The following SH3BP4 variants were observed in gnomAD, a reference collection of about 807,000 sequenced individuals.
SH3BP4 encodes SH3 domain binding protein 4.
A neutral mutation model predicts 65.5 loss-of-function variants in SH3BP4; 33 were observed. The ratio of observed to expected loss-of-function variants is 0.50; its 90% CI spans 0.38 to 0.67. SH3BP4 has a LOEUF of 0.67. Among genes scored for constraint, SH3BP4 ranks in the 30% least tolerant of loss-of-function variants. The pLI, the probability that SH3BP4 is intolerant of heterozygous loss-of-function variation, is 0.00. For synonymous variants in SH3BP4, 552 were observed against 545.5 expected, an observed-to-expected ratio of 1.01 and a Z score of -0.17; for missense variants, 1,134 against 1,261.4, an observed-to-expected ratio of 0.90 and a Z score of 1.53.
chr2:235,030,265 A>G lies in SH3BP4; in HGVS notation c.-132-4606A>G, dbSNP rs7579843. On this transcript the variant is annotated intron_variant, in intron 2 of 5. Coordinates refer to ENST00000392011, the MANE Select transcript of SH3BP4 (RefSeq NM_014521.3). This position sits in a 1 kb window ranked among gnomAD's most constrained non-coding sequence, Gnocchi z 4.1. ...AGCAGCCACTGGCAGCGAAGGCCTGAGCAACTCTGGGCGTGGGAAGAAATA... is the reference window on the plus strand; with the variant it reads ...AGCAGCCACTGGCAGCGAAGGCCTGGGCAACTCTGGGCGTGGGAAGAAATA... Among the ~76,000 whole-genome samples the G allele has an allele frequency of 0.34, 52,206 of 151,992 alleles. 10,414 individuals are homozygous for G. Among genetic ancestry groups the G allele is most frequent in the African/African-American group, 0.55 (22,866 of 41,424 alleles).
chr2:234,985,260 A>C (rs887483233), intron 1 of SH3BP4, among the ~76,000 whole-genome samples: 2 of 152,196 alleles, frequency 1.3e-5, no homozygotes, highest in African/African-American at 4.8e-5. Context: ...AGTCATAAGA[A>C]AGGCACATAG....
In SH3BP4 at chr2:235,017,045, C is replaced by CTTT. The variant is rs995197698; in HGVS notation, c.-132-17804_-132-17802dup. Among the ~76,000 whole-genome samples, 66 of 88,414 alleles carry CTTT rather than the reference C, an allele frequency of 7.5e-4. 2 individuals carry two copies. Among genetic ancestry groups the CTTT allele is most frequent in the East Asian group, 1.8e-3 (5 of 2,838 alleles). 58.0% of individuals were successfully genotyped at this position (88,414 alleles called of 152,430 possible). ...CGGCAGCGAGTTTCTGTTTGCCTTT[C>CTTT]TTTTTTTTTTTTTTTTTTTTTTTTG... On this transcript the variant is annotated intron_variant, in intron 2 of 5. Coordinates refer to ENST00000392011, the MANE Select transcript of SH3BP4 (RefSeq NM_014521.3).
rs764174258 is a variant in SH3BP4, at chr2:235,041,834, C to T, written c.1065C>T (p.Ser355=). ...HVAPGETQQI[S]MKALLDPPLE... ...CCCCTGGGGAGACCCAGCAGATCTC[C>T]ATGAAAGCCCTGCTGGACCCCCCGC... is the stretch of plus-strand genomic sequence containing the variant. Residue 355 remains serine (S), a synonymous_variant, in exon 4 of 6, where the codon TCC becomes TCT. Coordinates refer to ENST00000392011, the MANE Select transcript of SH3BP4 (RefSeq NM_014521.3). This position sits in a 1 kb window ranked among gnomAD's most constrained non-coding sequence, Gnocchi z 6.0. The T allele has an allele frequency of 1.1e-5, 18 of 1,601,814 alleles. No individual in the cohort carries two copies. In the African/African-American group the frequency reaches 2.0e-4, roughly 18 times the overall value.
At chr2:235,031,037 C>G (rs116246145) in intron 2 of SH3BP4, among the ~76,000 whole-genome samples, 2 of 152,088 alleles carry the variant, frequency 1.3e-5, no homozygotes, top group African/African-American at 4.8e-5. Flanking sequence ...TGGGGATTTA[C>G]AGAGCATTGA....
chr2:235,032,856 A>G (rs191698247), intron 2 of SH3BP4, among the ~76,000 whole-genome samples: 3 of 152,136 alleles, frequency 2.0e-5, no homozygotes, highest in Non-Finnish European at 4.4e-5. Flanking sequence ...GTTCTCCCCA[A>G]GGCGTAGTTC....
intron 2 of SH3BP4, among the ~76,000 whole-genome samples, chr2:235,003,719 G>A (rs1694204739): frequency 6.6e-6 from 1 of 152,226 alleles, no homozygotes; most frequent in Non-Finnish European, 1.5e-5. Context: ...CCTATGCAGG[G>A]AGATGTGGCT....
intron 2 of SH3BP4, among the ~76,000 whole-genome samples, chr2:235,031,571 C>T (rs1574835185): frequency 6.6e-6 from 1 of 152,230 alleles, no homozygotes; most frequent in South Asian, 2.1e-4. Context: ...CACCGCGTTC[C>T]GCCAGCTTAC....
intron 4 of SH3BP4, among the ~76,000 whole-genome samples, chr2:235,049,981 T>C (rs182469474): frequency 4.8e-4 from 73 of 152,140 alleles, no homozygotes; most frequent in African/African-American, 1.8e-3. Flanking sequence ...CTCTGGCATT[T>C]CTCGGTGTGA....
At chr2:235,003,469 A>T (rs1281914746) in intron 2 of SH3BP4, among the ~76,000 whole-genome samples, 1 of 152,254 alleles carries the variant, frequency 6.6e-6, no homozygotes, top group African/African-American at 2.4e-5. Flanking sequence ...CATTCGAAGG[A>T]TAGAGTGTCT....
intron 4 of SH3BP4, among the ~76,000 whole-genome samples, chr2:235,043,971 C>A (rs1218647801): frequency 6.6e-6 from 1 of 152,224 alleles, no homozygotes; most frequent in Admixed American, 6.5e-5. Flanking sequence ...CCAGAATGGA[C>A]CAGATGCGGG....
chr2:234,980,180 A>G (rs941489153), intron 1 of SH3BP4, among the ~76,000 whole-genome samples: 9 of 152,160 alleles, frequency 5.9e-5, no homozygotes, highest in African/African-American at 1.9e-4. Context: ...CCTTATCTGC[A>G]GGGGATACAG....
intron 2 of SH3BP4, among the ~76,000 whole-genome samples, chr2:235,010,736 G>A (rs950653754): frequency 6.1e-5 from 9 of 148,120 alleles, no homozygotes; most frequent in Non-Finnish European, 1.0e-4. Flanking sequence ...ACCCTTCCCC[G>A]CTCTCCAAGG....
chr2:235,025,600 G>A (rs1056743357), intron 2 of SH3BP4, among the ~76,000 whole-genome samples: 1 of 152,322 alleles, frequency 6.6e-6, no homozygotes, highest in Non-Finnish European at 1.5e-5. Flanking sequence ...TGGGCACTGC[G>A]CTCAATGCTG....
intron 1 of SH3BP4, among the ~76,000 whole-genome samples, chr2:234,966,165 G>A (rs1404256151): frequency 6.6e-6 from 1 of 152,190 alleles, no homozygotes; most frequent in Non-Finnish European, 1.5e-5. Flanking sequence ...GATCACTTGA[G>A]GTCAAGAGTT....
rs1693952306 is a variant in SH3BP4 at position 234,997,224 on chromosome 2, T to G, written c.-133+1848T>G. Among the ~76,000 whole-genome samples the G allele has an allele frequency of 6.6e-6, 1 of 152,192 alleles. No individual in the cohort carries two copies. Among genetic ancestry groups the G allele is most frequent in the African/African-American group, 2.4e-5 (1 of 41,440 alleles). ...CCACACTTTAAGCTGATTTTCGTTT[T>G]GCCTTGTTTTCCCAGAGGCATACAT... On this transcript the variant is annotated intron_variant, in intron 2 of 5. Transcript: ENST00000392011. The surrounding 1 kb of genome is among the most constrained non-coding windows in gnomAD (Gnocchi z 4.2).
intron 1 of SH3BP4, among the ~76,000 whole-genome samples, chr2:234,988,169 C>T (rs1216375994): frequency 6.6e-6 from 1 of 152,146 alleles, no homozygotes; most frequent in African/African-American, 2.4e-5. Flanking sequence ...AAGCAATTCT[C>T]CTGCCTCAGC....
intron 2 of SH3BP4, among the ~76,000 whole-genome samples, chr2:235,028,834 A>G (rs771432034): frequency 1.3e-5 from 2 of 152,086 alleles, no homozygotes; most frequent in African/African-American, 2.4e-5. Context: ...AGAGCACTGC[A>G]TGTGCAAAGG....
In SH3BP4 at chr2:235,042,538, G is replaced by C; in HGVS notation, c.1769G>C (p.Arg590Pro). Residue 590 changes from arginine (R) to proline (P), a missense_variant, in exon 4 of 6, where the codon CGG becomes CCG. Physicochemically the swap from Arg to Pro is moderately radical, Grantham distance 103 (BLOSUM62 -2). Transcript: ENST00000392011. This position sits in a 1 kb window ranked among gnomAD's most constrained non-coding sequence, Gnocchi z 7.3. ...AACGAGCTCTCTGACTTCACGCTGC[G>C]GGTTCAGGTGAAGGACGACCAGGAG... is the stretch of plus-strand genomic sequence containing the variant. ...NPNELSDFTL[R>P]VQVKDDQEAI... 7 of 1,614,138 alleles carry C rather than the reference G, an allele frequency of 4.3e-6. No homozygotes were observed. The highest frequency in any genetic ancestry group is 5.9e-6 in the Non-Finnish European group (7 of 1,180,038).
At chr2:234,980,115 G>A (rs1474937938) in intron 1 of SH3BP4, among the ~76,000 whole-genome samples, 1 of 152,198 alleles carries the variant, frequency 6.6e-6, no homozygotes, top group Non-Finnish European at 1.5e-5. Context: ...GATACCTGTA[G>A]TTGTAGTTCA....
Sources: gnomAD v4.1 joint callset for allele counts (sites outside exome capture counted in the v4.1 genomes callset) on GRCh38, gnomAD v4.1.1 for gene constraint, Gnocchi (gnomAD v3.1) non-coding constraint, MANE v1.5 for transcripts, NCBI Gene and HGNC (gene_info 2026-07-23, HGNC 2026-07-21) for gene names.